The following DDHD1 variants were observed in gnomAD, a reference collection of about 807,000 sequenced individuals.
DDHD1 encodes the protein phospholipase DDHD1.
In DDHD1, 49 loss-of-function variants were observed where a neutral mutation model predicts 96.4. That is an observed-to-expected ratio of 0.51 (90% CI 0.40 to 0.64). DDHD1 has a LOEUF of 0.64. Ranked by LOEUF, DDHD1 falls within the 30% of genes least tolerant of loss-of-function variation. The probability of loss-of-function intolerance (pLI) is 0.00; values close to 1 mark genes in which losing one functional copy is unlikely to be tolerated. For synonymous variants in DDHD1, 442 were observed against 446.5 expected, an observed-to-expected ratio of 0.99 and a Z score of 0.13; for missense variants, 1,106 against 1,161.2, an observed-to-expected ratio of 0.95 and a Z score of 0.69.
chr14:53,085,732 C>G (rs992300745), intron 4 of DDHD1, among the ~76,000 whole-genome samples: 1 of 152,156 alleles, frequency 6.6e-6, no homozygotes, highest in African/African-American at 2.4e-5. Context: ...AAACCCAGAG[C>G]ACCTCGTCTC....
intron 1 of DDHD1, among the ~76,000 whole-genome samples, chr14:53,145,461 C>T (rs1890913580): frequency 6.9e-6 from 1 of 145,398 alleles, no homozygotes; most frequent in Admixed American, 7.0e-5. Flanking sequence ...TATGATCACT[C>T]CACATTATTC....
At chr14:53,129,148 ACT>A (rs1180662349) in intron 1 of DDHD1, among the ~76,000 whole-genome samples, 2 of 152,018 alleles carry the variant, frequency 1.3e-5, no homozygotes, top group African/African-American at 2.4e-5. Context: ...CTGTTGGTGG[ACT>A]CTCTTCAAAT....
At position 53,152,445 on chromosome 14, in the gene DDHD1, G is replaced by C; in HGVS notation, c.654C>G (p.Pro218=). ...GDRDGDHVCS[P]TGPASSSGED... is the part of the protein sequence containing the mutation. ...CTCCGGAACTGGAGGCTGGGCCCGT[G>C]GGGGAGCACACATGGTCGCCGTCCC... Residue 218 remains proline, a synonymous_variant, in exon 1 of 13, where the codon CCC becomes CCG. Transcript: ENST00000673822. The C allele has an allele frequency of 1.2e-6, 2 of 1,613,432 alleles. No individual in the cohort carries two copies. Among genetic ancestry groups the C allele is most frequent in the Non-Finnish European group, 1.7e-6 (2 of 1,179,892 alleles).
At chr14:53,049,656 T>TGAAA (rs1882357985) in intron 12 of DDHD1, among the ~76,000 whole-genome samples, 2 of 45,188 alleles carry the variant, frequency 4.4e-5, no homozygotes, top group African/African-American at 2.6e-4. Context: ...CTGAGCTAGG[T>TGAAA]CAAAAAAAAA....
chr14:53,084,259 A>C (rs1885735342), intron 4 of DDHD1, among the ~76,000 whole-genome samples: 1 of 152,162 alleles, frequency 6.6e-6, no homozygotes, highest in Admixed American at 6.5e-5. Context: ...GAGCAGATAA[A>C]ACTGGATTTT....
rs772528960 is a variant in DDHD1 at position 53,051,886 on chromosome 14, G to T, written c.2479C>A (p.Leu827Ile). Reference protein sequence around the residue: ...QESFFNLPQLLFPENVMQNKD... With the variant: ...QESFFNLPQLIFPENVMQNKD... ...TTCTGCATTACATTTTCCGGAAAAA[G>T]AAGTTGTGGGAGATTAAAGAACGAT... Residue 827 changes from leucine (L) to isoleucine (I), a missense_variant, in exon 12 of 13, where the codon CTT becomes ATT. Physicochemically the swap from Leu to Ile is conservative, Grantham distance 5. Transcript: ENST00000673822. 6.3e-7 allele frequency: 1 copy of T among 1,599,012 alleles called. No homozygotes were observed. Among genetic ancestry groups the T allele is most frequent in the Non-Finnish European group, 8.5e-7 (1 of 1,172,088 alleles).
intron 1 of DDHD1, among the ~76,000 whole-genome samples, chr14:53,126,907 T>C (rs1251196445): frequency 6.6e-6 from 1 of 152,094 alleles, no homozygotes; most frequent in Non-Finnish European, 1.5e-5. Flanking sequence ...TAGTTACTAG[T>C]CAGGAGGATT....
chr14:53,148,845 G>A (rs529101994), intron 1 of DDHD1, among the ~76,000 whole-genome samples: 1 of 152,288 alleles, frequency 6.6e-6, no homozygotes, highest in East Asian at 1.9e-4. Context: ...TATAGTTTTT[G>A]TGAGACCCAC....
At chr14:53,126,973 CAA>C (rs1235157394) in intron 1 of DDHD1, among the ~76,000 whole-genome samples, 1 of 151,690 alleles carries the variant, frequency 6.6e-6, no homozygotes, top group Non-Finnish European at 1.5e-5. Flanking sequence ...GGGTTGAAAT[CAA>C]AAGAGAAACT....
chr14:53,089,515 T>C (rs1195879815), intron 4 of DDHD1, among the ~76,000 whole-genome samples: 1 of 151,980 alleles, frequency 6.6e-6, no homozygotes, highest in Non-Finnish European at 1.5e-5. Flanking sequence ...ACACCACACA[T>C]CTACAACCAT....
At chr14:53,103,252 G>T (rs1035517470) in intron 2 of DDHD1, 3 of 452,030 alleles carry the variant, frequency 6.6e-6, no homozygotes, top group African/African-American at 6.1e-5. Flanking sequence ...GTTTTCAATA[G>T]GGGATAACTA....
chr14:53,104,536 T>C (rs1255652262), intron 1 of DDHD1, among the ~76,000 whole-genome samples: 2 of 152,186 alleles, frequency 1.3e-5, no homozygotes, highest in Admixed American at 6.5e-5. Context: ...TGGCACTTTT[T>C]AGAGCTGCCT....
At chr14:53,058,347 T>G in intron 9 of DDHD1, 130 bp downstream of exon 9, 1 of 1,032,058 alleles carries the variant, frequency 9.7e-7, no homozygotes, top group Non-Finnish European at 1.4e-6. Flanking sequence ...ACTCCTGACC[T>G]CAGATGATGC....
chr14:53,104,238 T>C (rs1887525455), intron 1 of DDHD1, among the ~76,000 whole-genome samples: 1 of 152,202 alleles, frequency 6.6e-6, no homozygotes, highest in Non-Finnish European at 1.5e-5. Context: ...CTGCTGCGCC[T>C]GGCCCATTTA....
At chr14:53,139,265 G>A (rs1890465800) in intron 1 of DDHD1, among the ~76,000 whole-genome samples, 1 of 152,028 alleles carries the variant, frequency 6.6e-6, no homozygotes, top group Non-Finnish European at 1.5e-5. Flanking sequence ...GAACAACAGA[G>A]AATGTCCCTT....
intron 4 of DDHD1, among the ~76,000 whole-genome samples, chr14:53,079,005 C>T (rs1409443507): frequency 3.3e-5 from 5 of 150,996 alleles, no homozygotes; most frequent in African/African-American, 1.2e-4. Context: ...TGGTGGATTA[C>T]CTTGATTAAA....
At chr14:53,105,746 T>C (rs1265076445) in intron 1 of DDHD1, among the ~76,000 whole-genome samples, 2 of 152,208 alleles carry the variant, frequency 1.3e-5, no homozygotes, top group Non-Finnish European at 2.9e-5. Context: ...CACCTTTTTA[T>C]TTTAATAGAT....
At chr14:53,143,199 C>T (rs1472607654) in intron 1 of DDHD1, among the ~76,000 whole-genome samples, 1 of 152,186 alleles carries the variant, frequency 6.6e-6, no homozygotes, top group African/African-American at 2.4e-5. Flanking sequence ...AGTCTGGATC[C>T]AGTGGTCCTT....
intron 4 of DDHD1, among the ~76,000 whole-genome samples, chr14:53,089,563 G>A (rs1231656866): frequency 1.3e-5 from 2 of 152,182 alleles, no homozygotes; most frequent in Non-Finnish European, 2.9e-5. Context: ...AAGAAATGGG[G>A]AAAGGATTCC....
Sources: gnomAD v4.1 joint callset for allele counts (sites outside exome capture counted in the v4.1 genomes callset) on GRCh38, gnomAD v4.1.1 for gene constraint, MANE v1.5 for transcripts, NCBI Gene and HGNC (gene_info 2026-07-23, HGNC 2026-07-21) for gene names.